Variants in GPBP1L1 observed in about 807,000 individuals in gnomAD.
The protein encoded by GPBP1L1 is vasculin-like protein 1.
Under a neutral mutation model 52.5 loss-of-function variants are expected in GPBP1L1, and 23 were observed. The ratio of observed to expected loss-of-function variants is 0.44; its 90% CI spans 0.32 to 0.62. The LOEUF is 0.62. Ranked by LOEUF, GPBP1L1 falls within the 20% of genes least tolerant of loss-of-function variation. The pLI is 0.06. For missense variants in GPBP1L1, 596 were observed against 579.3 expected, an observed-to-expected ratio of 1.03 and a Z score of -0.30; for synonymous variants, 243 against 203.1, an observed-to-expected ratio of 1.20 and a Z score of -1.67.
intron 2 of GPBP1L1, among the ~76,000 whole-genome samples, chr1:45,667,982 A>C (rs192442820): frequency 6.6e-6 from 1 of 152,108 alleles, no homozygotes; most frequent in Non-Finnish European, 1.5e-5. Context: ...CAAGTGATCC[A>C]CTTGCCTTGG....
intron 10 of GPBP1L1, 124 bp downstream of exon 10, chr1:45,633,365 C>T: frequency 2.1e-6 from 2 of 965,222 alleles, no homozygotes; most frequent in Non-Finnish European, 3.1e-6. Flanking sequence ...GGCAGTTACA[C>T]CTACAGACAG....
At chr1:45,641,406 C>CAA (rs1644670341) in intron 7 of GPBP1L1, among the ~76,000 whole-genome samples, 1 of 149,654 alleles carries the variant, frequency 6.7e-6, no homozygotes, top group Non-Finnish European at 1.5e-5. Flanking sequence ...TCTCAAAAAA[C>CAA]AAAACAAAAC....
At position 45,628,134 on chromosome 1, in the gene GPBP1L1, AT is replaced by A. The variant is rs1277134637; in HGVS notation, c.*121del. On this transcript the variant is annotated 3_prime_UTR_variant, in exon 13 of 13. Transcript: ENST00000355105. ...CCAATTGCTCTCTCTTTGGGATATG[AT>A]TATTTCCCTTGTGAATGAAGTATTC... The A allele has an allele frequency of 2.1e-6, 2 of 960,718 alleles. No homozygotes were observed. The highest frequency in any genetic ancestry group is 3.2e-6 in the Non-Finnish European group (2 of 633,460). 59.5% of individuals were successfully genotyped at this position (960,718 alleles called of 1,614,324 possible). A position where few individuals can be genotyped will look rare whatever the true frequency, so the allele number is the denominator to read the frequency against.
At chr1:45,666,318 G>T (rs1411978004) in intron 2 of GPBP1L1, among the ~76,000 whole-genome samples, 1 of 152,004 alleles carries the variant, frequency 6.6e-6, no homozygotes, top group Non-Finnish European at 1.5e-5. Flanking sequence ...GCTAATTTTT[G>T]TATTTTTAGT....
chr1:45,636,781 A>G (rs1644599828), intron 8 of GPBP1L1, among the ~76,000 whole-genome samples: 1 of 152,240 alleles, frequency 6.6e-6, no homozygotes, highest in Non-Finnish European at 1.5e-5. Flanking sequence ...AAAGTGTCAC[A>G]AAGATTTCAA....
chr1:45,651,820 T>G (rs12048866), intron 6 of GPBP1L1: 76,565 of 263,190 alleles, frequency 0.29, 11,458 homozygotes, highest in South Asian at 0.37. Context: ...TTCTTTCCTT[T>G]CGGCATCTTG....
Position 45,669,653 on chromosome 1 carries a change from G to T in GPBP1L1, c.-1097-8428C>A, listed in dbSNP as rs551915481. 2.3e-3 allele frequency among the ~76,000 whole-genome samples: 351 copies of T among 151,938 alleles called. 2 individuals carry two copies. The highest frequency in any genetic ancestry group is 8.2e-3 in the African/African-American group (340 of 41,406). ...AACCCCCTGCCAAAATTGAGAAAAT[G>T]ACTAAGTAACATGATTTCATAAACT... is the stretch of plus-strand genomic sequence containing the variant. On this transcript the variant is annotated intron_variant, in intron 2 of 12. Transcript: ENST00000355105.
At chr1:45,649,768 T>C (rs1644798261) in intron 6 of GPBP1L1, among the ~76,000 whole-genome samples, 1 of 152,198 alleles carries the variant, frequency 6.6e-6, no homozygotes, top group South Asian at 2.1e-4. Flanking sequence ...CCTAACTTCT[T>C]TGAAGATTAT....
At chr1:45,657,135 CT>C (rs1294947554) in intron 4 of GPBP1L1, among the ~76,000 whole-genome samples, 1 of 152,142 alleles carries the variant, frequency 6.6e-6, no homozygotes, top group Non-Finnish European at 1.5e-5. Flanking sequence ...AACAATTATT[CT>C]TCTCTGATAG....
chr1:45,668,459 T>C (rs935290132), intron 2 of GPBP1L1, among the ~76,000 whole-genome samples: 1 of 152,058 alleles, frequency 6.6e-6, no homozygotes, highest in Admixed American at 6.6e-5. Flanking sequence ...TTCAAGGCCA[T>C]CCTGGCCAAC....
intron 10 of GPBP1L1, among the ~76,000 whole-genome samples, chr1:45,631,089 T>TAAAA (rs57585739): frequency 7.0e-6 from 1 of 143,402 alleles, no homozygotes; most frequent in Non-Finnish European, 1.5e-5. Flanking sequence ...ACAGCCACAC[T>TAAAA]AAAAAAAAAA....
At chr1:45,658,893 G>T in intron 4 of GPBP1L1, 135 bp downstream of exon 4, 1 of 673,206 alleles carries the variant, frequency 1.5e-6, no homozygotes. Flanking sequence ...AGTAAGCTGT[G>T]ATCACACTAC....
intron 8 of GPBP1L1, among the ~76,000 whole-genome samples, chr1:45,636,554 C>T (rs906358504): frequency 2.6e-5 from 4 of 152,146 alleles, no homozygotes; most frequent in Admixed American, 6.5e-5. Context: ...TCCAAACATA[C>T]CATATTCTGC....
intron 2 of GPBP1L1, among the ~76,000 whole-genome samples, chr1:45,666,205 C>T (rs1020826718): frequency 6.6e-6 from 1 of 151,914 alleles, no homozygotes; most frequent in African/African-American, 2.4e-5. Context: ...CCTCCATCCC[C>T]CAGTGGCACC....
chr1:45,667,140 T>G (rs760105696), intron 2 of GPBP1L1, among the ~76,000 whole-genome samples: 1 of 152,202 alleles, frequency 6.6e-6, no homozygotes, highest in African/African-American at 2.4e-5. Context: ...ACGCTGAGAA[T>G]GTACTTCATG....
chr1:45,656,387 A>G (rs1644884903), intron 4 of GPBP1L1, among the ~76,000 whole-genome samples: 2 of 152,182 alleles, frequency 1.3e-5, no homozygotes. Context: ...GCATGTTTAC[A>G]TTTATTTTTC....
intron 2 of GPBP1L1, among the ~76,000 whole-genome samples, chr1:45,670,667 C>A (rs569043021): frequency 6.6e-6 from 1 of 151,814 alleles, no homozygotes; most frequent in Admixed American, 6.6e-5. Flanking sequence ...CAGAAGTATT[C>A]TTTTTCCACT....
At chr1:45,657,923 G>A (rs1644903777) in intron 4 of GPBP1L1, among the ~76,000 whole-genome samples, 1 of 152,184 alleles carries the variant, frequency 6.6e-6, no homozygotes. Flanking sequence ...GATGAGACCA[G>A]AAGCACCTTC....
At chr1:45,643,342 A>G (rs560204567) in intron 6 of GPBP1L1, among the ~76,000 whole-genome samples, 3 of 152,310 alleles carry the variant, frequency 2.0e-5, no homozygotes, top group Middle Eastern at 6.8e-3. Flanking sequence ...AGGATTTCTT[A>G]GGGGAGATTA....
Sources: gnomAD v4.1 joint callset for allele counts (sites outside exome capture counted in the v4.1 genomes callset) on GRCh38, gnomAD v4.1.1 for gene constraint, MANE v1.5 for transcripts, NCBI Gene and HGNC (gene_info 2026-07-23, HGNC 2026-07-21) for gene names.